Variants in GPC5 observed in about 807,000 individuals in gnomAD.
GPC5 encodes glypican-5.
Under a neutral mutation model 53.9 loss-of-function variants are expected in GPC5, and 47 were observed. That is an observed-to-expected ratio of 0.87 (90% CI 0.69 to 1.11). The LOEUF is 1.11. GPC5 is among the 50% of genes most tolerant of loss of function. GPC5 has a pLI of 0.00. For missense variants in GPC5, 748 were observed against 713.1 expected, an observed-to-expected ratio of 1.05 and a Z score of -0.56; for synonymous variants, 286 against 263.3, an observed-to-expected ratio of 1.09 and a Z score of -0.84.
chr13:92,747,758 T>G lies in GPC5; in HGVS notation c.1562-118524T>G, dbSNP rs185897337. Among the ~76,000 whole-genome samples the G allele has an allele frequency of 2.1e-3, 317 of 152,316 alleles. 2 individuals are homozygous for G. The highest frequency in any genetic ancestry group is 7.4e-3 in the African/African-American group (306 of 41,580). On this transcript the variant is annotated intron_variant, in intron 7 of 7. Coordinates refer to ENST00000377067, the MANE Select transcript of GPC5 (RefSeq NM_004466.6). ...CCCTGATTAAATTGATGCTTCTGAC[T>G]TTAATGAGCTGCTATTGATTGGGCA...
chr13:91,894,708 A>T (rs994316168), intron 5 of GPC5, among the ~76,000 whole-genome samples: 5 of 152,122 alleles, frequency 3.3e-5, no homozygotes, highest in African/African-American at 1.2e-4. Flanking sequence ...TTCTCAGAAG[A>T]TTTACAGAAA....
rs56162097 is a variant in GPC5 at position 92,577,418 on chromosome 13, ATGTGTG to A, written c.1562-288836_1562-288831del. 3.2e-4 allele frequency among the ~76,000 whole-genome samples: 47 copies of A among 145,442 alleles called. No homozygotes were observed. In the East Asian group the frequency reaches 4.1e-3, roughly 13 times the overall value. ...TGAATGAATGTAAGTATGTATGTAT[ATGTGTG>A]TGTGTGTGTGTGTGTGTGTGTGTGT... is the stretch of plus-strand genomic sequence containing the variant. On this transcript the variant is annotated intron_variant, in intron 7 of 7. Coordinates refer to ENST00000377067, the MANE Select transcript of GPC5 (RefSeq NM_004466.6).
intron 7 of GPC5, among the ~76,000 whole-genome samples, chr13:92,321,954 A>G (rs867633294): frequency 1.2e-4 from 18 of 152,284 alleles, no homozygotes; most frequent in African/African-American, 3.4e-4. Context: ...TAAATAATCT[A>G]TATTTTCATT....
At chr13:91,895,064 A>G (rs1000707293) in intron 5 of GPC5, among the ~76,000 whole-genome samples, 2 of 151,826 alleles carry the variant, frequency 1.3e-5, no homozygotes, top group African/African-American at 4.8e-5. Context: ...AAAAAAAAAA[A>G]AAAAGGCCTC....
chr13:92,514,379 G>A (rs1183411575), intron 7 of GPC5, among the ~76,000 whole-genome samples: 1 of 152,082 alleles, frequency 6.6e-6, no homozygotes, highest in Admixed American at 6.5e-5. Flanking sequence ...TTATCAGAAA[G>A]AGCCCAGGGA....
At chr13:92,123,016 C>G (rs1364442827) in intron 6 of GPC5, among the ~76,000 whole-genome samples, 1 of 151,952 alleles carries the variant, frequency 6.6e-6, no homozygotes. Context: ...ACTGGTTTTC[C>G]TTTGATCACA....
At chr13:91,724,655 C>T (rs1406012426) in intron 3 of GPC5, among the ~76,000 whole-genome samples, 1 of 151,836 alleles carries the variant, frequency 6.6e-6, no homozygotes, top group African/African-American at 2.4e-5. Context: ...TTGAGACCAG[C>T]CCTGGCAACA....
chr13:92,663,595 CTACTATATATATATATA>C (rs1028195755), intron 7 of GPC5, among the ~76,000 whole-genome samples: 1 of 74,214 alleles, frequency 1.3e-5, no homozygotes, highest in African/African-American at 3.7e-5. Context: ...ATATATATAT[CTACTATATATATATATA>C]TCTACTATAT....
In GPC5 at chr13:91,693,559, T is replaced by C. The variant is rs1202360226; in HGVS notation, c.698T>C (p.Ile233Thr). 1.9e-6 allele frequency: 3 copies of C among 1,613,926 alleles called. No individual in the cohort carries two copies. The highest frequency in any genetic ancestry group is 1.3e-5 in the African/African-American group (1 of 74,888). Residue 233 changes from isoleucine (I) to threonine (T), a missense_variant, in exon 3 of 8, where the codon ATT (isoleucine) becomes ACT (threonine). Ile to Thr is a moderately conservative substitution (Grantham distance 89, BLOSUM62 -1). Transcript: ENST00000377067. ...TTTCTGCAGGCACTCAATCTGGGCATTGAAGTCATCAACACCACAGACTAT... is the reference window on the plus strand; with the variant it reads ...TTTCTGCAGGCACTCAATCTGGGCACTGAAGTCATCAACACCACAGACTAT... ...RTFLQALNLG[I>T]EVINTTDYLH...
At chr13:92,295,845 G>A (rs1343575372) in intron 7 of GPC5, among the ~76,000 whole-genome samples, 1 of 152,122 alleles carries the variant, frequency 6.6e-6, no homozygotes, top group East Asian at 1.9e-4. Context: ...AAGTTTGTGT[G>A]AGTCCTTATG....
chr13:92,813,795 A>G (rs1362714248), intron 7 of GPC5, among the ~76,000 whole-genome samples: 1 of 152,088 alleles, frequency 6.6e-6, no homozygotes, highest in African/African-American at 2.4e-5. Flanking sequence ...AAAAGACTCA[A>G]TATTGTCAAA....
At position 92,353,266 on chromosome 13, in the gene GPC5, CAA is replaced by C. The variant is rs563794696; in HGVS notation, c.1561+208294_1561+208295del. On this transcript the variant is annotated intron_variant, in intron 7 of 7. Coordinates refer to ENST00000377067, the MANE Select transcript of GPC5 (RefSeq NM_004466.6). Reference sequence around the variant, plus strand: ...TGGGCGACAGAGCGAGACTCCGTCTCAAAAAAAAAAAAAAAAAAGAAATGTGT... The same window carrying C: ...TGGGCGACAGAGCGAGACTCCGTCTCAAAAAAAAAAAAAAAAGAAATGTGT... Among the ~76,000 whole-genome samples, 15 of 66,894 alleles carry C rather than the reference CAA, an allele frequency of 2.2e-4. 2 individuals are homozygous for C. In the Middle Eastern group the frequency reaches 0.07, roughly 311 times the overall value. 43.9% of individuals were successfully genotyped at this position (66,894 alleles called of 152,430 possible).
At chr13:92,355,563 C>G (rs1011515308) in intron 7 of GPC5, among the ~76,000 whole-genome samples, 10 of 152,074 alleles carry the variant, frequency 6.6e-5, no homozygotes, top group African/African-American at 2.4e-4. Flanking sequence ...CCTGTTTTTC[C>G]CCTTTATTTA....
intron 2 of GPC5, among the ~76,000 whole-genome samples, chr13:91,626,631 T>G (rs890388257): frequency 6.6e-6 from 1 of 152,048 alleles, no homozygotes; most frequent in African/African-American, 2.4e-5. Context: ...TTAGACATAG[T>G]GATTGAGGAG....
intron 4 of GPC5, among the ~76,000 whole-genome samples, chr13:91,741,158 G>C (rs1338475155): frequency 6.6e-6 from 1 of 151,986 alleles, no homozygotes; most frequent in Non-Finnish European, 1.5e-5. Flanking sequence ...TGTCAAGGTG[G>C]GGAATGCAGA....
intron 6 of GPC5, among the ~76,000 whole-genome samples, chr13:92,130,187 G>C (rs568020508): frequency 6.6e-6 from 1 of 152,114 alleles, no homozygotes; most frequent in South Asian, 2.1e-4. Context: ...ACACAAAAGT[G>C]AGACACAGTA....
intron 5 of GPC5, among the ~76,000 whole-genome samples, chr13:91,816,251 A>T (rs1244842294): frequency 2.0e-5 from 3 of 152,060 alleles, no homozygotes; most frequent in Non-Finnish European, 4.4e-5. Flanking sequence ...TTTTGTTCAA[A>T]ATTGTATACT....
intron 7 of GPC5, among the ~76,000 whole-genome samples, chr13:92,591,540 G>A (rs577801390): frequency 3.9e-5 from 6 of 152,214 alleles, no homozygotes; most frequent in African/African-American, 1.4e-4. Context: ...TTGTGAAATG[G>A]TAAAATCTAG....
chr13:92,293,117 T>C (rs1252889391), intron 7 of GPC5, among the ~76,000 whole-genome samples: 1 of 152,136 alleles, frequency 6.6e-6, no homozygotes, highest in Non-Finnish European at 1.5e-5. Flanking sequence ...TCCAGATTAG[T>C]TATTTTTGTT....
Sources: gnomAD v4.1 joint callset for allele counts (sites outside exome capture counted in the v4.1 genomes callset) on GRCh38, gnomAD v4.1.1 for gene constraint, MANE v1.5 for transcripts, NCBI Gene and HGNC (gene_info 2026-07-23, HGNC 2026-07-21) for gene names.